Variants in SEC62 observed in about 807,000 individuals in gnomAD.
SEC62 encodes the protein translocation protein SEC62.
Under a neutral mutation model 47.5 loss-of-function variants are expected in SEC62, and 10 were observed. That is an observed-to-expected ratio of 0.21 (90% CI 0.13 to 0.36). The LOEUF is 0.36. Among genes scored for constraint, SEC62 ranks in the 10% least tolerant of loss-of-function variants. The pLI is 1.00. For missense variants in SEC62, 327 were observed against 464.1 expected (o/e 0.70, Z 2.71); for synonymous variants, 136 against 150.5 (o/e 0.90, Z 0.71).
At chr3:169,977,535 T>G (rs1714865986) in intron 3 of SEC62, among the ~76,000 whole-genome samples, 1 of 152,160 alleles carries the variant, frequency 6.6e-6, no homozygotes, top group South Asian at 2.1e-4. Context: ...TACCTTATCT[T>G]TTTCTGAGAA....
At chr3:169,980,953 A>G (rs1273941578) in intron 3 of SEC62, among the ~76,000 whole-genome samples, 2 of 152,214 alleles carry the variant, frequency 1.3e-5, no homozygotes, top group Non-Finnish European at 2.9e-5. Flanking sequence ...TGGAAATCAT[A>G]TAAGTGCACA....
At position 169,982,866 on chromosome 3, in the gene SEC62, AGAAAAAG is replaced by A; in HGVS notation, c.412_418del (p.Glu138ArgfsTer62). On this transcript the variant is annotated frameshift_variant, in exon 4 of 8. Coordinates refer to ENST00000337002, the MANE Select transcript of SEC62 (RefSeq NM_003262.4). LOFTEE classifies it high-confidence loss of function. ...ATATAAAGGATGAGAAGACAAAAAA[AGAAAAAG>A]AGAAAAAAAAAGATGGTGAAAAGGA... 2 of 1,563,328 alleles carry A rather than the reference AGAAAAAG, an allele frequency of 1.3e-6. No individual in the cohort carries two copies. Among genetic ancestry groups the A allele is most frequent in the South Asian group, 1.2e-5 (1 of 82,362 alleles).
chr3:169,979,140 C>G (rs1401031246), intron 3 of SEC62, among the ~76,000 whole-genome samples: 1 of 152,174 alleles, frequency 6.6e-6, no homozygotes, highest in Non-Finnish European at 1.5e-5. Flanking sequence ...ATACGCTCTT[C>G]CCACTGATGT....
At chr3:169,982,288 A>G (rs766932547) in intron 3 of SEC62, among the ~76,000 whole-genome samples, 3 of 152,160 alleles carry the variant, frequency 2.0e-5, no homozygotes, top group Non-Finnish European at 4.4e-5. Flanking sequence ...GACCCATCAA[A>G]TCATCACTTT....
chr3:169,973,887 CGA>C (rs1342669727), intron 1 of SEC62, among the ~76,000 whole-genome samples: 9 of 152,008 alleles, frequency 5.9e-5, no homozygotes, highest in Non-Finnish European at 8.8e-5. Context: ...AGAGGACTTG[CGA>C]AATACAAAGG....
At chr3:169,976,881 ATAT>A (rs2108282130) in intron 2 of SEC62, 62 bp from the exon 3 acceptor site, 1 of 1,105,520 alleles carries the variant, frequency 9.0e-7, no homozygotes, top group East Asian at 2.6e-5. Context: ...ACTTTATAAA[ATAT>A]TATTTAGATA....
chr3:169,986,153 A>G lies in SEC62; in HGVS notation c.610+288A>G, dbSNP rs73043947. On this transcript the variant is annotated intron_variant, in intron 6 of 7. Transcript: ENST00000337002. Reference sequence around the variant, plus strand: ...TGATACTTAATCACACTCATATACAAATTAAAGCTGTAGTGATTAAGAGTC... The same window carrying G: ...TGATACTTAATCACACTCATATACAGATTAAAGCTGTAGTGATTAAGAGTC... 1.8e-3 allele frequency among the ~76,000 whole-genome samples: 271 copies of G among 152,296 alleles called. 2 individuals carry two copies. The highest frequency in any genetic ancestry group is 5.9e-3 in the African/African-American group (245 of 41,562).
Position 169,991,700 on chromosome 3 carries a change from C to T in SEC62, c.731-894C>T, listed in dbSNP as rs190363619. On this transcript the variant is annotated intron_variant, in intron 7 of 7. Coordinates refer to ENST00000337002, the MANE Select transcript of SEC62 (RefSeq NM_003262.4). Reference sequence around the variant, plus strand: ...CCTGGGTGACAGAGCAAGACCTTGTCCTCAATAAATAAATAAGAAAACAAG... The same window carrying T: ...CCTGGGTGACAGAGCAAGACCTTGTTCTCAATAAATAAATAAGAAAACAAG... Among the ~76,000 whole-genome samples, 25 of 152,170 alleles carry T rather than the reference C, an allele frequency of 1.6e-4. No homozygotes were observed. The East Asian group carries it at 4.6e-3, about 28-fold the overall frequency.
intron 7 of SEC62, among the ~76,000 whole-genome samples, chr3:169,991,314 C>A (rs1042570617): frequency 3.3e-5 from 5 of 152,012 alleles, no homozygotes; most frequent in African/African-American, 1.2e-4. Flanking sequence ...CCCAACTACT[C>A]GGGAGGCTGA....
At chr3:169,988,392 A>T in intron 7 of SEC62, 33 bp downstream of exon 7, 1 of 1,612,066 alleles carries the variant, frequency 6.2e-7, no homozygotes, top group Non-Finnish European at 8.5e-7. Flanking sequence ...TGACCTCAAG[A>T]AGGTTGGTAT....
intron 1 of SEC62, among the ~76,000 whole-genome samples, chr3:169,967,362 G>T (rs1714557813): frequency 6.6e-6 from 1 of 152,174 alleles, no homozygotes; most frequent in African/African-American, 2.4e-5. Context: ...GAATGATCTG[G>T]ACTTGGTCAG....
chr3:169,982,173 A>G (rs1025240723), intron 3 of SEC62, among the ~76,000 whole-genome samples: 3 of 152,332 alleles, frequency 2.0e-5, no homozygotes, highest in African/African-American at 7.2e-5. Context: ...TCACCTTAGT[A>G]TATTTAATCA....
In SEC62 at chr3:169,993,648, A is replaced by C. The variant is rs1715302027; in HGVS notation, c.*585A>C. The C allele has an allele frequency of 6.5e-6, 1 of 152,694 alleles. No individual in the cohort carries two copies. Among genetic ancestry groups the C allele is most frequent in the South Asian group, 2.1e-4 (1 of 4,830 alleles). The allele number at this position is 152,694 out of a possible 1,614,324, so 9.5% of individuals were successfully genotyped here. A position where few individuals can be genotyped will look rare whatever the true frequency, so the allele number is the denominator to read the frequency against. ...TCTGGTTTAGCTAAATTATTTTTCC[A>C]ATGTAGGAAATCCACACTGATTTGT... On this transcript the variant is annotated 3_prime_UTR_variant, in exon 8 of 8. Coordinates refer to ENST00000337002, the MANE Select transcript of SEC62 (RefSeq NM_003262.4).
chr3:169,983,042 C>T lies in SEC62; in HGVS notation c.457-119C>T, dbSNP rs189454465. On this transcript the variant is annotated intron_variant, in intron 4 of 7. Transcript: ENST00000337002. ...ACTATATTAGAGTTGTTATAAATAC[C>T]GTGGTTGAGAATTTTTATTTCTGTG... 19 of 1,466,918 alleles carry T rather than the reference C, an allele frequency of 1.3e-5. No homozygotes were observed. In the Admixed American group the frequency reaches 1.4e-4, roughly 11 times the overall value. The allele number at this position is 1,466,918 out of a possible 1,614,324, so 90.9% of individuals were successfully genotyped here. A position where few individuals can be genotyped will look rare whatever the true frequency, so the allele number is the denominator to read the frequency against.
Position 169,993,138 on chromosome 3 carries a change from C to A in SEC62, c.*75C>A. The A allele has an allele frequency of 9.6e-7, 1 of 1,037,070 alleles. No individual in the cohort carries two copies. The highest frequency in any genetic ancestry group is 1.4e-6 in the Non-Finnish European group (1 of 718,934). 64.2% of individuals were successfully genotyped at this position (1,037,070 alleles called of 1,614,324 possible). A position where few individuals can be genotyped will look rare whatever the true frequency, so the allele number is the denominator to read the frequency against. ...TATGTTGGCTGATTACCATATTGAA[C>A]ACATGGCATTTGTAGCATTCTTTAA... On this transcript the variant is annotated 3_prime_UTR_variant, in exon 8 of 8. Coordinates refer to ENST00000337002, the MANE Select transcript of SEC62 (RefSeq NM_003262.4).
intron 1 of SEC62, chr3:169,975,354 C>A (rs1714809061): frequency 5.5e-5 from 14 of 252,860 alleles, no homozygotes; most frequent in East Asian, 1.7e-4. Context: ...GTGGAAAAAA[C>A]AACTCAAATG....
At chr3:169,987,663 A>G (rs774846983) in intron 6 of SEC62, among the ~76,000 whole-genome samples, 51 of 152,124 alleles carry the variant, frequency 3.4e-4, no homozygotes, top group Non-Finnish European at 6.2e-4. Context: ...CCAGGCTTCT[A>G]ATTTCTTATA....
chr3:169,971,068 CT>C (rs747459014), intron 1 of SEC62, among the ~76,000 whole-genome samples: 4,914 of 136,858 alleles, frequency 0.036, 225 homozygotes, highest in African/African-American at 0.11. Flanking sequence ...TCTCATGGTA[CT>C]TTTTTTTTTT....
intron 5 of SEC62, among the ~76,000 whole-genome samples, chr3:169,984,923 A>T (rs2108285828): frequency 6.6e-6 from 1 of 152,308 alleles, no homozygotes; most frequent in South Asian, 2.1e-4. Context: ...TCTGTTGTGT[A>T]AAATAAGAGC....
Sources: gnomAD v4.1 joint callset for allele counts (sites outside exome capture counted in the v4.1 genomes callset) on GRCh38, gnomAD v4.1.1 for gene constraint, MANE v1.5 for transcripts, NCBI Gene and HGNC (gene_info 2026-07-23, HGNC 2026-07-21) for gene names.